Variants in NOSTRIN observed in about 807,000 individuals in gnomAD.
The protein encoded by NOSTRIN is BM247 homolog.
In NOSTRIN, 63 loss-of-function variants were observed where a neutral mutation model predicts 59.0. The observed-to-expected ratio is 1.07, with a 90% CI of 0.87 to 1.32. The LOEUF (loss-of-function observed/expected upper bound fraction) is 1.32. NOSTRIN is among the 40% of genes most tolerant of loss of function. The probability of loss-of-function intolerance (pLI) is 0.00; values close to 1 mark genes in which losing one functional copy is unlikely to be tolerated. For missense variants in NOSTRIN, 512 were observed against 473.1 expected (o/e 1.08, Z -0.76); for synonymous variants, 200 against 165.4 (o/e 1.21, Z -1.61).
chr2:168,856,768 T>C lies in NOSTRIN; in HGVS notation c.1043T>C (p.Leu348Ser). ...AAGAGCCAGAAAGACACAGCAGCGT[T>C]AATGGATGAGGTAAATGTTTGCCGA... ...DAKSQKDTAALMDENNLKLDL... is the reference protein window; with the variant it reads ...DAKSQKDTAASMDENNLKLDL... The change falls in exon 12 of 16, where the codon TTA (leucine) becomes TCA (serine). Residue 348 changes from leucine (L) to serine (S), a missense_variant. By Grantham distance (145) the Leu-to-Ser change is moderately radical (BLOSUM62 -2). Coordinates refer to ENST00000317647, the MANE Select transcript of NOSTRIN (RefSeq NM_001039724.4). The C allele has an allele frequency of 6.2e-7, 1 of 1,613,990 alleles. No homozygotes were observed. The highest frequency in any genetic ancestry group is 1.7e-5 in the Admixed American group (1 of 60,020).
chr2:168,825,268 G>C (rs1265939330), intron 3 of NOSTRIN, among the ~76,000 whole-genome samples: 1 of 152,172 alleles, frequency 6.6e-6, no homozygotes, highest in South Asian at 2.1e-4. Context: ...AAGGACTTGA[G>C]ACAGAAAGTT....
At chr2:168,822,144 AG>A (rs1686779339) in intron 2 of NOSTRIN, among the ~76,000 whole-genome samples, 2 of 152,156 alleles carry the variant, frequency 1.3e-5, no homozygotes, top group Admixed American at 1.3e-4. Context: ...ATATTCCTAG[AG>A]CAGAGAAATC....
intron 1 of NOSTRIN, among the ~76,000 whole-genome samples, chr2:168,804,706 C>T (rs764892002): frequency 3.3e-5 from 5 of 152,084 alleles, no homozygotes; most frequent in Admixed American, 6.6e-5. Flanking sequence ...TGTTCTTAAC[C>T]GGGCCCACAC....
At chr2:168,863,237 A>C in intron 15 of NOSTRIN, 2 of 228,100 alleles carry the variant, frequency 8.8e-6, no homozygotes, top group Non-Finnish European at 1.5e-5. Context: ...TATTTGTTTG[A>C]ATTCTTGTTA....
At chr2:168,854,156 A>G (rs1688940563) in intron 10 of NOSTRIN, among the ~76,000 whole-genome samples, 1 of 152,252 alleles carries the variant, frequency 6.6e-6, no homozygotes, top group Non-Finnish European at 1.5e-5. Context: ...GGTGGGAACC[A>G]CCACACCTGG....
chr2:168,849,514 C>T (rs1199869807), intron 8 of NOSTRIN, among the ~76,000 whole-genome samples: 1 of 151,930 alleles, frequency 6.6e-6, no homozygotes, highest in East Asian at 1.9e-4. Context: ...CGCCACCAGG[C>T]CTGGCTAATT....
intron 6 of NOSTRIN, among the ~76,000 whole-genome samples, chr2:168,832,925 A>G (rs1687450947): frequency 6.6e-6 from 1 of 152,170 alleles, no homozygotes; most frequent in Non-Finnish European, 1.5e-5. Context: ...CCTGGCCTTT[A>G]AAAGGATTTG....
chr2:168,797,074 T>TTTTTC (rs1199863641), upstream of NOSTRIN, among the ~76,000 whole-genome samples: 3,047 of 91,714 alleles, frequency 0.033, 257 homozygotes, highest in African/African-American at 0.058. Flanking sequence ...TTCTTTTTCT[T>TTTTTC]TTTTCTTTTT....
At chr2:168,845,128 G>C (rs471087) in intron 8 of NOSTRIN, among the ~76,000 whole-genome samples, 1 of 151,942 alleles carries the variant, frequency 6.6e-6, no homozygotes, top group Non-Finnish European at 1.5e-5. Context: ...CATAAGCTCC[G>C]GGTACTCTCT....
chr2:168,828,089 C>G, intron 3 of NOSTRIN, 69 bp from the exon 4 acceptor site: 1 of 852,200 alleles, frequency 1.2e-6, no homozygotes. Context: ...TGCTGTATTT[C>G]TAGCCAGCAC....
intron 7 of NOSTRIN, among the ~76,000 whole-genome samples, chr2:168,838,647 CTT>C (rs1427951933): frequency 2.6e-5 from 4 of 152,164 alleles, no homozygotes; most frequent in Non-Finnish European, 4.4e-5. Flanking sequence ...AAATCAGTCT[CTT>C]TGCTTTCAGT....
intron 10 of NOSTRIN, among the ~76,000 whole-genome samples, chr2:168,852,240 G>T (rs1408573119): frequency 2.6e-5 from 4 of 152,176 alleles, no homozygotes; most frequent in Admixed American, 2.6e-4. Flanking sequence ...GTCACTATCA[G>T]TATTTTTCAT....
chr2:168,790,895 C>T (rs1685328637), intron 2 of NOSTRIN, among the ~76,000 whole-genome samples: 1 of 152,166 alleles, frequency 6.6e-6, no homozygotes, highest in Admixed American at 6.5e-5. Flanking sequence ...AGATTGGCAA[C>T]TTATTCAGGA....
At chr2:168,835,273 G>A (rs1374193621) in intron 7 of NOSTRIN, among the ~76,000 whole-genome samples, 6 of 152,062 alleles carry the variant, frequency 3.9e-5, no homozygotes, top group African/African-American at 1.4e-4. Context: ...GAGGCGAGGT[G>A]TCACCATGTT....
intron 3 of NOSTRIN, among the ~76,000 whole-genome samples, chr2:168,827,592 GGGATAC>G (rs1687124248): frequency 6.6e-6 from 1 of 151,716 alleles, no homozygotes; most frequent in Non-Finnish European, 1.5e-5. Context: ...AGGGGCTCAG[GGGATAC>G]GGTCTTGCTC....
chr2:168,794,129 C>T (rs904576824), upstream of NOSTRIN, among the ~76,000 whole-genome samples: 4 of 152,184 alleles, frequency 2.6e-5, no homozygotes, highest in African/African-American at 7.2e-5. Context: ...CTTGTTCCTC[C>T]TTGGATCTCT....
In NOSTRIN at chr2:168,860,784, C is replaced by T. The variant is rs370638504; in HGVS notation, c.1180-11C>T. On this transcript the variant is annotated splice_polypyrimidine_tract_variant and intron_variant, in intron 13 of 15. Coordinates refer to ENST00000317647, the MANE Select transcript of NOSTRIN (RefSeq NM_001039724.4). The stretch of plus-strand genomic sequence containing the variant: ...TGTTACAAAATATGACTTTTTATGT[C>T]ATTTGAACAGGAGCATACTCATAGC... 792 of 1,502,166 alleles carry T rather than the reference C, an allele frequency of 5.3e-4. No homozygotes were observed. The highest frequency in any genetic ancestry group is 6.8e-4 in the Non-Finnish European group (740 of 1,080,348). 93.1% of individuals were successfully genotyped at this position (1,502,166 alleles called of 1,614,324 possible).
At chr2:168,793,855 C>G (rs1475267988), upstream of NOSTRIN, among the ~76,000 whole-genome samples, 5 of 152,144 alleles carry the variant, frequency 3.3e-5, no homozygotes, top group African/African-American at 1.2e-4. Context: ...AGAATAGTTT[C>G]TGTTACGTAA....
At chr2:168,823,013 G>T (rs1393865479) in intron 2 of NOSTRIN, among the ~76,000 whole-genome samples, 2 of 152,034 alleles carry the variant, frequency 1.3e-5, no homozygotes, top group Admixed American at 1.3e-4. Flanking sequence ...TATTACTTTT[G>T]TTTTTGTTTT....
Sources: gnomAD v4.1 joint callset for allele counts (sites outside exome capture counted in the v4.1 genomes callset) on GRCh38, gnomAD v4.1.1 for gene constraint, MANE v1.5 for transcripts, NCBI Gene and HGNC (gene_info 2026-07-23, HGNC 2026-07-21) for gene names.